CAMTA1: variants seen among roughly 807,000 people sequenced by gnomAD.
CAMTA1 encodes calmodulin-binding transcription activator 1.
CAMTA1 carries 27 observed loss-of-function variants against 170.9 expected under a neutral mutation model. That is an observed-to-expected ratio of 0.16 (90% CI 0.12 to 0.22). CAMTA1 has a LOEUF of 0.22. CAMTA1 is among the 10% of genes least tolerant of loss of function. CAMTA1 has a pLI of 1.00. For missense variants in CAMTA1, 1,619 were observed against 2,217.2 expected, an observed-to-expected ratio of 0.73 and a Z score of 5.42; for synonymous variants, 833 against 891.5, an observed-to-expected ratio of 0.93 and a Z score of 1.17.
At chr1:7,677,501 G>A in intron 10 of CAMTA1, 98 bp from the exon 11 acceptor site, 1 of 1,333,674 alleles carries the variant, frequency 7.5e-7, no homozygotes, top group South Asian at 1.4e-5. Context: ...ATTAACCAAT[G>A]AAGGGTAGTG....
intron 11 of CAMTA1, among the ~76,000 whole-genome samples, chr1:7,692,322 A>G (rs1423518812): frequency 6.6e-6 from 1 of 152,110 alleles, no homozygotes; most frequent in African/African-American, 2.4e-5. Flanking sequence ...CTGGAAGAGA[A>G]AGGAAAAAGC....
chr1:6,868,775 G>A (rs2148966322), intron 3 of CAMTA1, among the ~76,000 whole-genome samples: 1 of 152,328 alleles, frequency 6.6e-6, no homozygotes, highest in Non-Finnish European at 1.5e-5. Flanking sequence ...ATTCTTTGCT[G>A]TAACACTGAT....
intron 4 of CAMTA1, among the ~76,000 whole-genome samples, chr1:7,174,929 C>T (rs1033820869): frequency 6.6e-6 from 1 of 152,148 alleles, no homozygotes; most frequent in South Asian, 2.1e-4. Flanking sequence ...CCGGATGTCC[C>T]ATCATGCCTT....
At chr1:7,180,618 A>G (rs1651948082) in intron 4 of CAMTA1, among the ~76,000 whole-genome samples, 1 of 143,806 alleles carries the variant, frequency 7.0e-6, no homozygotes, top group South Asian at 2.2e-4. Context: ...GGCTCAAGCC[A>G]TCCTCCCACC....
intron 3 of CAMTA1, among the ~76,000 whole-genome samples, chr1:7,057,626 G>A (rs895428177): frequency 6.6e-6 from 1 of 152,204 alleles, no homozygotes; most frequent in African/African-American, 2.4e-5. Flanking sequence ...CGGGCTGGAG[G>A]CATCCAGGTG....
At chr1:7,267,344 C>G (rs1341102090) in intron 5 of CAMTA1, among the ~76,000 whole-genome samples, 3 of 152,194 alleles carry the variant, frequency 2.0e-5, no homozygotes, top group African/African-American at 7.2e-5. Flanking sequence ...ATGCACAGGA[C>G]TGTGTTGGAA....
chr1:7,066,588 C>G (rs977707686), intron 3 of CAMTA1, among the ~76,000 whole-genome samples: 2 of 152,218 alleles, frequency 1.3e-5, no homozygotes, highest in African/African-American at 4.8e-5. Context: ...TTTGGTAGAA[C>G]TTGCATCAGG....
At chr1:7,645,584 C>T (rs370190762) in intron 7 of CAMTA1, among the ~76,000 whole-genome samples, 25 of 152,380 alleles carry the variant, frequency 1.6e-4, no homozygotes, top group African/African-American at 5.8e-4. Context: ...GGCCCTGCAG[C>T]CATGAGCAAG....
chr1:7,459,165 C>A (rs1163257727), intron 5 of CAMTA1, among the ~76,000 whole-genome samples: 1 of 152,166 alleles, frequency 6.6e-6, no homozygotes, highest in Admixed American at 6.5e-5. Context: ...GGAGCAAGGG[C>A]TTTGCGGTCA....
At chr1:7,421,781 C>T (rs189111491) in intron 5 of CAMTA1, among the ~76,000 whole-genome samples, 8 of 152,108 alleles carry the variant, frequency 5.3e-5, no homozygotes, top group Admixed American at 3.9e-4. Flanking sequence ...GGCAGGAGGC[C>T]GTTCTCCTGG....
At chr1:6,984,771 G>A (rs1275964074) in intron 3 of CAMTA1, among the ~76,000 whole-genome samples, 1 of 152,198 alleles carries the variant, frequency 6.6e-6, no homozygotes, top group Non-Finnish European at 1.5e-5. Context: ...CGATGGCTGG[G>A]TTCTGCTCCT....
intron 6 of CAMTA1, among the ~76,000 whole-genome samples, chr1:7,584,923 G>T (rs80015562): frequency 6.6e-6 from 1 of 152,198 alleles, no homozygotes; most frequent in Admixed American, 6.5e-5. Flanking sequence ...GCCAGTACTC[G>T]TGCCGAGGCT....
intron 3 of CAMTA1, among the ~76,000 whole-genome samples, chr1:6,884,527 G>A (rs1672625207): frequency 6.6e-6 from 1 of 152,162 alleles, no homozygotes; most frequent in Admixed American, 6.5e-5. Flanking sequence ...CTCCAAGGAG[G>A]AGGTTAATGG....
intron 3 of CAMTA1, among the ~76,000 whole-genome samples, chr1:6,899,404 T>G (rs1023470448): frequency 6.6e-6 from 1 of 152,256 alleles, no homozygotes; most frequent in Non-Finnish European, 1.5e-5. Flanking sequence ...TAGGGCTGGG[T>G]ATACAATCAG....
chr1:7,633,349 A>G lies in CAMTA1; in HGVS notation c.511-7051A>G, dbSNP rs1006606314. On this transcript the variant is annotated intron_variant, in intron 6 of 22. Transcript: ENST00000303635. This position sits in a 1 kb window ranked among gnomAD's most constrained non-coding sequence, Gnocchi z 4.1. ...AGGAGGCACAGCTGGGTTAAGGGAC[A>G]AGCTGAACTTCCCTCAGAGAGGAAG... is the stretch of plus-strand genomic sequence containing the variant. Among the ~76,000 whole-genome samples, 1 of 152,192 alleles carries G rather than the reference A, an allele frequency of 6.6e-6. No individual in the cohort carries two copies. Among genetic ancestry groups the G allele is most frequent in the African/African-American group, 2.4e-5 (1 of 41,450 alleles).
intron 6 of CAMTA1, among the ~76,000 whole-genome samples, chr1:7,584,182 C>A (rs1005751067): frequency 6.6e-6 from 1 of 152,048 alleles, no homozygotes; most frequent in Admixed American, 6.5e-5. Context: ...ATTCCAGGGG[C>A]GCCATGACTG....
intron 4 of CAMTA1, among the ~76,000 whole-genome samples, chr1:7,121,714 C>T (rs114683570): frequency 2.8e-4 from 43 of 152,318 alleles, no homozygotes; most frequent in African/African-American, 8.9e-4. Flanking sequence ...CAGCCCGAGA[C>T]GGGAGCTGGC....
Position 7,251,333 on chromosome 1 carries a change from A to G in CAMTA1, c.438+1707A>G, listed in dbSNP as rs1335258802. ...TCAGAATGATTTATGGCTATTTGTT[A>G]GGCCATATTTGTGTTTGGAGTTATT... On this transcript the variant is annotated intron_variant, in intron 5 of 22. Coordinates refer to ENST00000303635, the MANE Select transcript of CAMTA1 (RefSeq NM_015215.4). This position sits in a 1 kb window ranked among gnomAD's most constrained non-coding sequence, Gnocchi z 5.1. Among the ~76,000 whole-genome samples the G allele has an allele frequency of 6.6e-6, 1 of 152,174 alleles. No individual in the cohort carries two copies. Among genetic ancestry groups the G allele is most frequent in the Non-Finnish European group, 1.5e-5 (1 of 68,030 alleles).
Position 7,685,863 on chromosome 1 carries a change from T to C in CAMTA1, c.2914+8130T>C, listed in dbSNP as rs1452665434. On this transcript the variant is annotated intron_variant, in intron 11 of 22. Coordinates refer to ENST00000303635, the MANE Select transcript of CAMTA1 (RefSeq NM_015215.4). This position sits in a 1 kb window ranked among gnomAD's most constrained non-coding sequence, Gnocchi z 5.7. ...GCCGTTCTTTCTGTTTTCCCCAACC[T>C]ACCTCTCTGATAACATTCCTGACCC... Among the ~76,000 whole-genome samples, 1 of 152,078 alleles carries C rather than the reference T, an allele frequency of 6.6e-6. No individual in the cohort carries two copies. The highest frequency in any genetic ancestry group is 1.5e-5 in the Non-Finnish European group (1 of 68,016).
Sources: allele counts gnomAD v4.1 joint callset (sites outside exome capture counted in the v4.1 genomes callset), GRCh38; gene constraint gnomAD v4.1.1; non-coding constraint Gnocchi (gnomAD v3.1); transcripts MANE v1.5; gene names NCBI Gene and HGNC (gene_info 2026-07-23, HGNC 2026-07-21).